Variants in SVEP1 observed in about 807,000 individuals in gnomAD.
The protein encoded by SVEP1 is sushi, von Willebrand factor type A, EGF and pentraxin domain containing 1.
SVEP1 carries 164 observed loss-of-function variants against 367.3 expected under a neutral mutation model. The ratio of observed to expected loss-of-function variants is 0.45; its 90% CI spans 0.39 to 0.51. SVEP1 has a LOEUF of 0.51. Ranked by LOEUF, SVEP1 falls within the 20% of genes least tolerant of loss-of-function variation. SVEP1 has a pLI of 0.00. For synonymous variants in SVEP1, 1,666 were observed against 1,611.6 expected (o/e 1.03, Z -0.81); for missense variants, 4,117 against 4,425.3 (o/e 0.93, Z 1.98).
intron 40 of SVEP1, among the ~76,000 whole-genome samples, chr9:110,392,164 C>T (rs1391972152): frequency 8.7e-6 from 1 of 114,750 alleles, no homozygotes; most frequent in African/African-American, 3.7e-5. Context: ...TCTCTTCTCT[C>T]TCTCTCCTAT....
intron 46 of SVEP1, among the ~76,000 whole-genome samples, chr9:110,372,717 TA>T (rs1177598437): frequency 6.6e-6 from 1 of 151,998 alleles, no homozygotes; most frequent in Non-Finnish European, 1.5e-5. Context: ...ATTGCAAATG[TA>T]AGGAGATTGG....
Position 110,387,336 on chromosome 9 carries a change from C to T in SVEP1, c.10009G>A (p.Ala3337Thr), listed in dbSNP as rs1333108883. 1 of 1,612,942 alleles carries T rather than the reference C, an allele frequency of 6.2e-7. No homozygotes were observed. The highest frequency in any genetic ancestry group is 1.1e-5 in the South Asian group (1 of 90,882). ...CAGGTTCCATTTTCTGTGCAGTGTG[C>T]CTCAGATGGCCCTTCAAGACTGTAG... is the stretch of plus-strand genomic sequence containing the variant. Reference protein sequence around the residue: ...RGYSLEGPSEAHCTENGTWSH... With the variant: ...RGYSLEGPSETHCTENGTWSH... The change falls in exon 42 of 48, where the codon GCA becomes ACA. Residue 3337 changes from alanine (A) to threonine (T), a missense_variant. By Grantham distance (58) the Ala-to-Thr change is moderately conservative. Coordinates refer to ENST00000374469, the MANE Select transcript of SVEP1 (RefSeq NM_153366.4).
chr9:110,545,252 T>C (rs1446766893), intron 3 of SVEP1, among the ~76,000 whole-genome samples: 1 of 152,212 alleles, frequency 6.6e-6, no homozygotes, highest in Non-Finnish European at 1.5e-5. Context: ...CTCTTTGACA[T>C]ACTGAATTCC....
chr9:110,533,895 T>C (rs1375977243), intron 3 of SVEP1, among the ~76,000 whole-genome samples: 1 of 152,108 alleles, frequency 6.6e-6, no homozygotes, highest in Non-Finnish European at 1.5e-5. Context: ...AACCTGGAAA[T>C]AGCAGCAAAA....
At chr9:110,505,857 G>T (rs1246325354) in intron 5 of SVEP1, among the ~76,000 whole-genome samples, 1 of 151,088 alleles carries the variant, frequency 6.6e-6, no homozygotes, top group Non-Finnish European at 1.5e-5. Flanking sequence ...CTGGGGTACA[G>T]GTGCAGAACA....
chr9:110,423,189 A>G lies in SVEP1; in HGVS notation c.5975+4402T>C, dbSNP rs1478893163. 2.7e-5 allele frequency among the ~76,000 whole-genome samples: 4 copies of G among 148,916 alleles called. No individual in the cohort carries two copies. The East Asian group carries it at 7.7e-4, about 29-fold the overall frequency. ...AAAGTAAAAAAAAAAAAAAAGAAAA[A>G]AAAAAGAAAAATTGTCAATGTAGAT... On this transcript the variant is annotated intron_variant, in intron 36 of 47. Transcript: ENST00000374469.
chr9:110,440,456 C>T (rs180781751), intron 27 of SVEP1, among the ~76,000 whole-genome samples: 126 of 152,248 alleles, frequency 8.3e-4, no homozygotes, highest in African/African-American at 2.8e-3. Context: ...AATGTGCTGT[C>T]GACAATACCA....
chr9:110,430,512 C>T, intron 32 of SVEP1, 62 bp from the exon 33 acceptor site: 2 of 1,490,812 alleles, frequency 1.3e-6, no homozygotes, highest in Non-Finnish European at 1.8e-6. Flanking sequence ...CAAAGTCTCA[C>T]AGCAAAAGAA....
At chr9:110,565,151 TTC>T (rs1830475937) in intron 1 of SVEP1, among the ~76,000 whole-genome samples, 2 of 152,210 alleles carry the variant, frequency 1.3e-5, no homozygotes, top group South Asian at 4.1e-4. Context: ...GGTTTTTGTT[TTC>T]TTTTGTGAAA....
chr9:110,400,155 T>C (rs987676234), intron 40 of SVEP1, among the ~76,000 whole-genome samples: 3 of 152,152 alleles, frequency 2.0e-5, no homozygotes, highest in Admixed American at 2.0e-4. Context: ...TATGAGCCCA[T>C]TGTTTGAGGA....
At chr9:110,428,050 G>A (rs149588382) in intron 35 of SVEP1, among the ~76,000 whole-genome samples, 8 of 152,268 alleles carry the variant, frequency 5.3e-5, no homozygotes, top group African/African-American at 1.9e-4. Flanking sequence ...GACCTGTGAA[G>A]AGCAGATTAC....
At chr9:110,398,287 A>G (rs1827800797) in intron 40 of SVEP1, among the ~76,000 whole-genome samples, 1 of 152,232 alleles carries the variant, frequency 6.6e-6, no homozygotes, top group Non-Finnish European at 1.5e-5. Flanking sequence ...CTGGCTAGCC[A>G]TATGTAGAAA....
intron 40 of SVEP1, among the ~76,000 whole-genome samples, chr9:110,394,820 T>C (rs1039143320): frequency 1.3e-5 from 2 of 151,954 alleles, no homozygotes; most frequent in African/African-American, 4.8e-5. Context: ...TAAAAAGAAA[T>C]GAACAAAGCC....
intron 32 of SVEP1, 141 bp from the exon 33 acceptor site, chr9:110,430,591 C>G: frequency 1.3e-6 from 1 of 785,828 alleles, no homozygotes; most frequent in Non-Finnish European, 2.0e-6. Context: ...GCATGAGGGC[C>G]CAGAGACACA....
chr9:110,502,931 T>A, intron 6 of SVEP1, 107 bp downstream of exon 6: 1 of 1,213,744 alleles, frequency 8.2e-7, no homozygotes, highest in Non-Finnish European at 1.1e-6. Flanking sequence ...GATATGTATT[T>A]ATACTCATTA....
intron 43 of SVEP1, among the ~76,000 whole-genome samples, chr9:110,383,051 A>G (rs1482328563): frequency 6.6e-6 from 1 of 152,150 alleles, no homozygotes; most frequent in East Asian, 1.9e-4. Flanking sequence ...TCTGAAGCCT[A>G]CTTCTTTCAA....
rs138571437 is a variant in SVEP1, at chr9:110,550,708, C to T, written c.532-604G>A. ...TCAATACTTCATCTTTTTGGACCAC[C>T]CGGTACTAGCATAAAAATAGCTAGT... On this transcript the variant is annotated intron_variant, in intron 1 of 47. Transcript: ENST00000374469. Among the ~76,000 whole-genome samples, 662 of 152,244 alleles carry T rather than the reference C, an allele frequency of 4.3e-3. 5 individuals are homozygous for T. Among genetic ancestry groups the T allele is most frequent in the African/African-American group, 0.015 (617 of 41,534 alleles).
Position 110,406,645 on chromosome 9 carries a change from T to C in SVEP1, c.8955A>G (p.Ser2985=), listed in dbSNP as rs200408179. ...AGCCATTGGAGAGGCACCTTCTTGA[T>C]GAATTTCCATGGAGCTTATAACCAG... is the stretch of plus-strand genomic sequence containing the variant. ...CFPGYKLHGN[S]SRRCLSNGSW... is the part of the protein sequence containing the mutation. The change falls in exon 38 of 48, where the codon TCA becomes TCG. Residue 2985 remains serine, a synonymous_variant. Coordinates refer to ENST00000374469, the MANE Select transcript of SVEP1 (RefSeq NM_153366.4). The C allele has an allele frequency of 1.2e-6, 2 of 1,614,004 alleles. No individual in the cohort carries two copies. The highest frequency in any genetic ancestry group is 1.7e-6 in the Non-Finnish European group (2 of 1,179,892).
At chr9:110,383,519 C>CA (rs1827473597) in intron 43 of SVEP1, among the ~76,000 whole-genome samples, 1 of 61,372 alleles carries the variant, frequency 1.6e-5, no homozygotes, top group African/African-American at 6.9e-5. Context: ...TGTCTGGTGA[C>CA]CCCTGTTGTG....
Sources: allele counts gnomAD v4.1 joint callset (sites outside exome capture counted in the v4.1 genomes callset), GRCh38; gene constraint gnomAD v4.1.1; transcripts MANE v1.5; gene names NCBI Gene and HGNC (gene_info 2026-07-23, HGNC 2026-07-21).